The following RPS24 variants were observed in gnomAD, a reference collection of about 807,000 sequenced individuals.
RPS24 encodes the protein ribosomal protein S24.
For missense variants in RPS24, 100 were observed against 162.5 expected (o/e 0.62, Z 2.09); for synonymous variants, 72 against 55.6 (o/e 1.30, Z -1.31).
chr10:78,042,418 C>CA (rs1319148658), downstream of RPS24, among the ~76,000 whole-genome samples: 3 of 152,190 alleles, frequency 2.0e-5, no homozygotes, highest in African/African-American at 7.2e-5. Flanking sequence ...CCCTGGCTCA[C>CA]AAGGCTATTT....
chr10:78,040,748 G>C (rs1181118926), downstream of RPS24: 2 of 1,340,634 alleles, frequency 1.5e-6, no homozygotes, highest in East Asian at 4.7e-5. Flanking sequence ...CTGCTAGGAG[G>C]TTAGTCTGCT....
chr10:78,037,536 G>GT, intron 4 of RPS24: 1 of 572,168 alleles, frequency 1.7e-6, no homozygotes, highest in African/African-American at 1.9e-5. Flanking sequence ...CAATCTGGAG[G>GT]CCACATTGGT....
intron 4 of RPS24, chr10:78,038,020 CTTCACT>C: frequency 8.0e-7 from 1 of 1,243,634 alleles, no homozygotes; most frequent in Non-Finnish European, 1.1e-6. Context: ...GATGCATCAC[CTTCACT>C]GAGTTTGCTT....
intron 4 of RPS24, 183 bp downstream of exon 4, chr10:78,037,487 A>AG: frequency 1.0e-6 from 1 of 1,002,546 alleles, no homozygotes; most frequent in Non-Finnish European, 1.4e-6. Context: ...TTAACACCTC[A>AG]GTAAAGTAGC....
intron 1 of RPS24, among the ~76,000 whole-genome samples, chr10:78,034,737 C>G (rs1252894253): frequency 6.6e-6 from 1 of 152,258 alleles, no homozygotes; most frequent in Non-Finnish European, 1.5e-5. Context: ...TTTCTCTGAT[C>G]TCTGCTATGG....
exon 5 of RPS24, chr10:78,055,366 A>T (rs1177022006): frequency 5.6e-6 from 1 of 178,628 alleles, no homozygotes; most frequent in Non-Finnish European, 1.1e-5. Flanking sequence ...GAAGTTAGAG[A>T]TTTTTTTTTT....
intron 4 of RPS24, among the ~76,000 whole-genome samples, chr10:78,046,351 T>TTTTTTTG: frequency 6.9e-6 from 1 of 145,592 alleles, no homozygotes; most frequent in African/African-American, 2.7e-5. Context: ...TTTACCTTTT[T>TTTTTTTG]TTTTTTTTTT....
intron 4 of RPS24, chr10:78,037,644 C>T: frequency 3.0e-6 from 1 of 329,726 alleles, no homozygotes; most frequent in Non-Finnish European, 5.8e-6. Context: ...GGATCCCATT[C>T]CCTGTGATTT....
downstream of RPS24, among the ~76,000 whole-genome samples, chr10:78,045,303 CGG>C (rs969096243): frequency 6.6e-6 from 1 of 151,998 alleles, no homozygotes; most frequent in African/African-American, 2.4e-5. Flanking sequence ...ATTAATAACT[CGG>C]AAAAAGGGAC....
downstream of RPS24, among the ~76,000 whole-genome samples, chr10:78,041,748 G>A (rs1433199041): frequency 6.6e-6 from 1 of 152,142 alleles, no homozygotes; most frequent in Non-Finnish European, 1.5e-5. Flanking sequence ...GATGGGACAG[G>A]ACGTGGAGCT....
chr10:78,055,056 CT>C, exon 5 of RPS24: 1 of 1,456,320 alleles, frequency 6.9e-7, no homozygotes, highest in Non-Finnish European at 9.1e-7. Context: ...GATGCTTCAT[CT>C]CTCCACCTTC....
At chr10:78,034,294 G>A in intron 1 of RPS24, 2 of 325,266 alleles carry the variant, frequency 6.1e-6, no homozygotes, top group Non-Finnish European at 5.8e-6. Context: ...AAGAAGGTGC[G>A]GGCAGCGCCT....
chr10:78,048,033 A>T (rs1157675103), intron 4 of RPS24, among the ~76,000 whole-genome samples: 1 of 152,144 alleles, frequency 6.6e-6, no homozygotes, highest in East Asian at 1.9e-4. Flanking sequence ...GTGGCTGTCA[A>T]CATCTCTTTC....
downstream of RPS24, among the ~76,000 whole-genome samples, chr10:78,042,402 T>C (rs1268349422): frequency 1.3e-5 from 2 of 152,218 alleles, no homozygotes; most frequent in African/African-American, 4.8e-5. Context: ...GGGTATCTGC[T>C]AGCTACCCTG....
At chr10:78,037,111 G>T (rs1847886652) in intron 3 of RPS24, 83 bp from the exon 4 acceptor site, 10 of 1,521,894 alleles carry the variant, frequency 6.6e-6, no homozygotes, top group Non-Finnish European at 2.7e-6. Context: ...CTTAAGCTCA[G>T]ACTGGGTCAG....
chr10:78,036,353 A>T (rs1196137805), intron 3 of RPS24: 1 of 157,730 alleles, frequency 6.3e-6, no homozygotes, highest in Non-Finnish European at 1.4e-5. Context: ...CCCAGGCTGG[A>T]GTGCAGTGGT....
At chr10:78,043,727 G>A (rs911447711), downstream of RPS24, among the ~76,000 whole-genome samples, 15 of 152,304 alleles carry the variant, frequency 9.8e-5, no homozygotes, top group African/African-American at 3.6e-4. Context: ...TGACTGTGAC[G>A]TGATAGAAAT....
At chr10:78,042,246 C>T (rs753583504), downstream of RPS24, among the ~76,000 whole-genome samples, 31 of 152,320 alleles carry the variant, frequency 2.0e-4, no homozygotes, top group Admixed American at 1.4e-3. Context: ...TTTGCTCCTA[C>T]GGCCAGCTAA....
At chr10:78,043,013 A>G (rs1209424028), downstream of RPS24, among the ~76,000 whole-genome samples, 3 of 151,572 alleles carry the variant, frequency 2.0e-5, no homozygotes, top group Admixed American at 1.3e-4. Context: ...ACATACACAC[A>G]TATTTTTTTT....
Sources: allele counts gnomAD v4.1 joint callset (sites outside exome capture counted in the v4.1 genomes callset), GRCh38; gene constraint gnomAD v4.1.1; transcripts MANE v1.5; gene names NCBI Gene and HGNC (gene_info 2026-07-23, HGNC 2026-07-21).